Variants in PCDHGA4 observed in about 807,000 individuals in gnomAD.
PCDHGA4 encodes the protein protocadherin gamma-A4.
In PCDHGA4, 38 loss-of-function variants were observed where a neutral mutation model predicts 54.6. The ratio of observed to expected loss-of-function variants is 0.70; its 90% CI spans 0.54 to 0.91. PCDHGA4 has a LOEUF of 0.91. Ranked by LOEUF, PCDHGA4 falls within the 40% of genes least tolerant of loss-of-function variation. The pLI, the probability that PCDHGA4 is intolerant of heterozygous loss-of-function variation, is 0.00. For missense variants in PCDHGA4, 1,298 were observed against 1,220.9 expected, an observed-to-expected ratio of 1.06 and a Z score of -0.94; for synonymous variants, 511 against 512.9, an observed-to-expected ratio of 1.00 and a Z score of 0.05.
rs149314216 is a variant in PCDHGA4, at chr5:141,487,041, G to A, written c.2515-7766G>A. 2.1e-3 allele frequency: 3,442 copies of A among 1,614,128 alleles called. 3 individuals carry two copies. Among genetic ancestry groups the A allele is most frequent in the Non-Finnish European group, 2.7e-3 (3,235 of 1,180,026 alleles). ...GATCCCAGCCTGTTTGCAGTCTCTC[G>A]ATATGCTGGGGAGGTGCGGACGGCT... On this transcript the variant is annotated intron_variant, in intron 1 of 3. Transcript: ENST00000571252. The surrounding 1 kb of genome is among the most constrained non-coding windows in gnomAD (Gnocchi z 5.0).
chr5:141,419,936 G>T, intron 1 of PCDHGA4: 2 of 1,614,074 alleles, frequency 1.2e-6, no homozygotes, highest in Non-Finnish European at 1.7e-6. Context: ...GTTTTACCTG[G>T]TGGTGGCCTT....
chr5:141,412,000 C>G (rs936679371), intron 1 of PCDHGA4: 4 of 151,788 alleles, frequency 2.6e-5, no homozygotes, highest in East Asian at 1.9e-4. Flanking sequence ...GGCATAGTGA[C>G]ATAAACACTT....
intron 1 of PCDHGA4, chr5:141,372,119 C>T (rs568477128): frequency 1.2e-6 from 2 of 1,613,802 alleles, no homozygotes; most frequent in East Asian, 2.2e-5. Context: ...CTGCGCTCTT[C>T]GATATGGTGC....
chr5:141,361,112 A>C, intron 1 of PCDHGA4: 1 of 1,613,908 alleles, frequency 6.2e-7, no homozygotes, highest in East Asian at 2.2e-5. Flanking sequence ...GATCCTGGAG[A>C]TCTAGCAGCC....
chr5:141,405,527 C>T (rs1055420196), intron 1 of PCDHGA4: 7 of 670,510 alleles, frequency 1.0e-5, no homozygotes, highest in Non-Finnish European at 1.8e-5. Flanking sequence ...TCAAGCGATT[C>T]TCCTGCCTCA....
intron 1 of PCDHGA4, chr5:141,383,263 G>C: frequency 1.9e-6 from 3 of 1,613,926 alleles, no homozygotes; most frequent in Non-Finnish European, 2.5e-6. Context: ...TATAGACGTG[G>C]AAATAATAGA....
intron 1 of PCDHGA4, chr5:141,418,453 G>T (rs2096259626): frequency 1.2e-6 from 2 of 1,614,060 alleles, no homozygotes; most frequent in East Asian, 4.5e-5. Flanking sequence ...TATTGCAGAA[G>T]ACTCTGGACC....
chr5:141,431,828 C>T lies in PCDHGA4; in HGVS notation c.2515-62979C>T. The T allele has an allele frequency of 6.2e-7, 1 of 1,610,208 alleles. No individual in the cohort carries two copies. Among genetic ancestry groups the T allele is most frequent in the Non-Finnish European group, 8.5e-7 (1 of 1,176,374 alleles). On this transcript the variant is annotated intron_variant, in intron 1 of 3. Transcript: ENST00000571252. This position sits in a 1 kb window ranked among gnomAD's most constrained non-coding sequence, Gnocchi z 4.8. Reference sequence around the variant, plus strand: ...CCTCACCTCTCTCGCCAGCTCGGTTCCCGAAAACTCTCCCAGAGGGACATT... The same window carrying T: ...CCTCACCTCTCTCGCCAGCTCGGTTTCCGAAAACTCTCCCAGAGGGACATT...
chr5:141,360,392 T>G (rs765496414), intron 1 of PCDHGA4: 106 of 1,613,788 alleles, frequency 6.6e-5, no homozygotes, highest in Non-Finnish European at 8.9e-5. Context: ...GACTTACTTG[T>G]GAGTGACAGA....
chr5:141,390,867 C>CGTGTGTGT (rs61319619), intron 1 of PCDHGA4: 11 of 151,144 alleles, frequency 7.3e-5, no homozygotes, highest in African/African-American at 2.7e-4. Flanking sequence ...GCTGTGTGTG[C>CGTGTGTGT]GTGTGTGTGT....
At chr5:141,361,529 A>G in intron 1 of PCDHGA4, 1 of 1,614,030 alleles carries the variant, frequency 6.2e-7, no homozygotes, top group South Asian at 1.1e-5. Context: ...GCAGAGAACA[A>G]TCCTCCTGGC....
At chr5:141,509,081 A>G (rs1279221589) in intron 3 of PCDHGA4, among the ~76,000 whole-genome samples, 1 of 152,160 alleles carries the variant, frequency 6.6e-6, no homozygotes, top group African/African-American at 2.4e-5. Flanking sequence ...GATTTGCGAC[A>G]TGAAATGGGG....
intron 1 of PCDHGA4, chr5:141,427,780 TGTCGTCCTAC>T (rs892399327): frequency 8.9e-6 from 13 of 1,455,886 alleles, no homozygotes; most frequent in Middle Eastern, 1.7e-4. Context: ...CTGCGGGCAC[TGTCGTCCTAC>T]GTGTCCGTGA....
intron 1 of PCDHGA4, chr5:141,384,274 G>T (rs1396743546): frequency 6.2e-7 from 1 of 1,613,704 alleles, no homozygotes; most frequent in East Asian, 2.2e-5. Flanking sequence ...ATCCTACTCA[G>T]TCTACATCGC....
chr5:141,372,510 G>A, intron 1 of PCDHGA4: 1 of 1,613,998 alleles, frequency 6.2e-7, no homozygotes, highest in South Asian at 1.1e-5. Context: ...CTTCCTCCTC[G>A]CGGTGATTCT....
At chr5:141,415,524 C>G in intron 1 of PCDHGA4, 1 of 1,614,154 alleles carries the variant, frequency 6.2e-7, no homozygotes, top group Non-Finnish European at 8.5e-7. Context: ...CGGACACGCT[C>G]ATCAGCCAGG....
intron 1 of PCDHGA4, chr5:141,388,752 T>C: frequency 6.2e-7 from 1 of 1,614,002 alleles, no homozygotes; most frequent in East Asian, 2.2e-5. Context: ...GATCACCCAA[T>C]TTGACCTGAA....
intron 1 of PCDHGA4, chr5:141,384,930 C>A (rs764481830): frequency 6.2e-7 from 1 of 1,614,060 alleles, no homozygotes; most frequent in Admixed American, 1.7e-5. Flanking sequence ...ACCTGGGCAG[C>A]CTTGAGCCCT....
chr5:141,394,485 A>G (rs376708104), intron 1 of PCDHGA4: 3 of 1,614,184 alleles, frequency 1.9e-6, no homozygotes, highest in Non-Finnish European at 2.5e-6. Flanking sequence ...CCAGAATGAC[A>G]ACGCGCCCGA....
Sources: gnomAD v4.1 joint callset for allele counts (sites outside exome capture counted in the v4.1 genomes callset) on GRCh38, gnomAD v4.1.1 for gene constraint, Gnocchi (gnomAD v3.1) non-coding constraint, MANE v1.5 for transcripts, NCBI Gene and HGNC (gene_info 2026-07-23, HGNC 2026-07-21) for gene names.